The following SLC12A6 variants were observed in gnomAD, a reference collection of about 807,000 sequenced individuals.
SLC12A6 encodes solute carrier family 12 member 6, also known as K-Cl cotransporter 3.
Under a neutral mutation model 135.3 loss-of-function variants are expected in SLC12A6, and 66 were observed. The observed-to-expected ratio is 0.49, with a 90% CI of 0.40 to 0.60. The LOEUF (loss-of-function observed/expected upper bound fraction) is 0.60. Among genes scored for constraint, SLC12A6 ranks in the 20% least tolerant of loss-of-function variants. The probability of loss-of-function intolerance (pLI) is 0.00; values close to 1 mark genes in which losing one functional copy is unlikely to be tolerated. For synonymous variants in SLC12A6, 513 were observed against 508.8 expected (o/e 1.01, Z -0.11); for missense variants, 1,058 against 1,452.3 (o/e 0.73, Z 4.41).
rs759511495 is a variant in SLC12A6 at position 34,240,623 on chromosome 15, T to TA, written c.2436+37dup. 7 of 1,567,262 alleles carry TA rather than the reference T, an allele frequency of 4.5e-6. No individual in the cohort carries two copies. The East Asian group carries it at 9.0e-5, about 20-fold the overall frequency. On this transcript the variant is annotated intron_variant, in intron 19 of 25. Coordinates refer to ENST00000354181, the MANE Select transcript of SLC12A6 (RefSeq NM_001365088.1). ...CTTACTACTTAACATCACAAAGCTG[T>TA]AAACTGAGTTCCAATACCTCAAAAG...
chr15:34,265,551 T>C (rs11854901), intron 3 of SLC12A6, among the ~76,000 whole-genome samples: 8,804 of 152,254 alleles, frequency 0.058, 845 homozygotes, highest in African/African-American at 0.2. Flanking sequence ...TGTAAGATCA[T>C]TGGTGTGCTG....
intron 2 of SLC12A6, among the ~76,000 whole-genome samples, chr15:34,313,232 T>A (rs1888386174): frequency 6.6e-6 from 1 of 151,342 alleles, no homozygotes; most frequent in Non-Finnish European, 1.5e-5. Flanking sequence ...AAGTTGTGAA[T>A]GCAAAGGAAC....
chr15:34,229,803 C>T lies in SLC12A6; in HGVS notation c.*4078G>A, dbSNP rs748193896. On this transcript the variant is annotated 3_prime_UTR_variant, in exon 26 of 26. Coordinates refer to ENST00000354181, the MANE Select transcript of SLC12A6 (RefSeq NM_001365088.1). ...TGCTTTTGTGAACATGAGAAAGCAG[C>T]GCCTGGTCCCTATGTATTTGGGTCT... is the stretch of plus-strand genomic sequence containing the variant. The T allele has an allele frequency of 7.4e-6, 12 of 1,612,000 alleles. No individual in the cohort carries two copies. Among genetic ancestry groups the T allele is most frequent in the Admixed American group, 5.0e-5 (3 of 59,908 alleles).
chr15:34,257,072 T>C (rs755736492), intron 6 of SLC12A6, among the ~76,000 whole-genome samples: 43 of 152,062 alleles, frequency 2.8e-4, no homozygotes, highest in Non-Finnish European at 5.3e-4. Flanking sequence ...GTCATAGTGA[T>C]AAAAAAGGAC....
chr15:34,301,456 A>G (rs1041748320), intron 2 of SLC12A6, among the ~76,000 whole-genome samples: 1 of 152,232 alleles, frequency 6.6e-6, no homozygotes, highest in Non-Finnish European at 1.5e-5. Flanking sequence ...AGAATGCTAG[A>G]GAAGGAAACA....
intron 5 of SLC12A6, 123 bp downstream of exon 5, chr15:34,258,690 G>A (rs1194013947): frequency 2.3e-6 from 2 of 873,460 alleles, no homozygotes; most frequent in African/African-American, 3.3e-5. Flanking sequence ...GCCCAGAACA[G>A]TTCCAGGCAC....
chr15:34,242,886 C>T (rs1202141888), intron 16 of SLC12A6, among the ~76,000 whole-genome samples: 3 of 152,030 alleles, frequency 2.0e-5, no homozygotes, highest in African/African-American at 4.8e-5. Flanking sequence ...AAAAATTAGC[C>T]GGGTGTGGTG....
intron 2 of SLC12A6, among the ~76,000 whole-genome samples, chr15:34,333,997 G>C (rs913183897): frequency 6.6e-6 from 1 of 151,552 alleles, no homozygotes; most frequent in Admixed American, 6.6e-5. Context: ...TGGAACCCGG[G>C]AGACAGAGAT....
chr15:34,280,876 A>G (rs1894629044), intron 2 of SLC12A6, among the ~76,000 whole-genome samples: 1 of 152,212 alleles, frequency 6.6e-6, no homozygotes, highest in South Asian at 2.1e-4. Flanking sequence ...CCTATCATTC[A>G]TAGCAACGTA....
In SLC12A6 at chr15:34,231,739, G is replaced by T. The variant is rs371222354; in HGVS notation, c.*2142C>A. The stretch of plus-strand genomic sequence containing the variant: ...CAAGTAGCTGGGACTACAGGCGCCC[G>T]CCACCATGCCCGACTAATTTTTTTG... On this transcript the variant is annotated 3_prime_UTR_variant, in exon 26 of 26. Coordinates refer to ENST00000354181, the MANE Select transcript of SLC12A6 (RefSeq NM_001365088.1). The T allele has an allele frequency of 6.6e-6, 1 of 151,914 alleles. No homozygotes were observed. Among genetic ancestry groups the T allele is most frequent in the Non-Finnish European group, 1.5e-5 (1 of 68,018 alleles). The allele number at this position is 151,914 out of a possible 1,614,324, so 9.4% of individuals were successfully genotyped here. A position where few individuals can be genotyped will look rare whatever the true frequency, so the allele number is the denominator to read the frequency against.
At chr15:34,300,594 GC>G (rs1488955988) in intron 2 of SLC12A6, among the ~76,000 whole-genome samples, 1 of 151,836 alleles carries the variant, frequency 6.6e-6, no homozygotes, top group Non-Finnish European at 1.5e-5. Context: ...CCCAGACCAG[GC>G]TGGAAAACAT....
intron 3 of SLC12A6, among the ~76,000 whole-genome samples, chr15:34,273,557 T>A (rs538794848): frequency 6.6e-6 from 1 of 152,310 alleles, no homozygotes; most frequent in Admixed American, 6.5e-5. Context: ...CCAAGGACTA[T>A]CCTAAGTCTT....
intron 10 of SLC12A6, among the ~76,000 whole-genome samples, chr15:34,251,559 CTT>C (rs1477056012): frequency 6.6e-6 from 1 of 152,100 alleles, no homozygotes; most frequent in Admixed American, 6.5e-5. Flanking sequence ...ACATAATGTT[CTT>C]TCTTATCTAA....
chr15:34,301,624 T>G (rs1232444969), intron 2 of SLC12A6, among the ~76,000 whole-genome samples: 1 of 152,220 alleles, frequency 6.6e-6, no homozygotes, highest in Admixed American at 6.5e-5. Context: ...AACACATGAA[T>G]CCTGAAGAAA....
At chr15:34,247,800 GT>G (rs2140708368) in intron 13 of SLC12A6, among the ~76,000 whole-genome samples, 1 of 152,046 alleles carries the variant, frequency 6.6e-6, no homozygotes, top group African/African-American at 2.4e-5. Context: ...AACCTCCTGG[GT>G]TCAAGTGATC....
intron 6 of SLC12A6, among the ~76,000 whole-genome samples, chr15:34,257,328 G>A (rs1892821933): frequency 6.6e-6 from 1 of 152,150 alleles, no homozygotes; most frequent in African/African-American, 2.4e-5. Context: ...CACATTTTCT[G>A]TCACAACTTT....
intron 18 of SLC12A6, 131 bp from the exon 19 acceptor site, chr15:34,240,960 C>T (rs1891603951): frequency 2.7e-6 from 2 of 747,954 alleles, no homozygotes. Context: ...GAAGAGATCA[C>T]AGGAGATGAC....
In SLC12A6 at chr15:34,256,242, AT is replaced by A; in HGVS notation, c.731del (p.Asn244MetfsTer12). 6.2e-7 allele frequency: 1 copy of A among 1,604,618 alleles called. No homozygotes were observed. Among genetic ancestry groups the A allele is most frequent in the Non-Finnish European group, 8.5e-7 (1 of 1,171,286 alleles). ...TGACCTACTAACCTGGCACCACTCC[AT>A]TAGTGGCAATGGCACTCATGGAGAT... ...TAISMSAIAT[N>X]GVVPAGGSYF... On this transcript the variant is annotated frameshift_variant, in exon 7 of 26. Transcript: ENST00000354181. LOFTEE classifies it high-confidence loss of function.
intron 24 of SLC12A6, 45 bp downstream of exon 24, chr15:34,235,970 C>T: frequency 6.9e-7 from 1 of 1,457,734 alleles, no homozygotes; most frequent in Non-Finnish European, 9.6e-7. Flanking sequence ...ATTTGTGCCA[C>T]TGATTAGGTA....
Sources: allele counts gnomAD v4.1 joint callset (sites outside exome capture counted in the v4.1 genomes callset), GRCh38; gene constraint gnomAD v4.1.1; transcripts MANE v1.5; gene names NCBI Gene and HGNC (gene_info 2026-07-23, HGNC 2026-07-21).